The following CHRD variants were observed in gnomAD, a reference collection of about 807,000 sequenced individuals.
CHRD encodes the protein chordin.
In CHRD, 69 loss-of-function variants were observed where a neutral mutation model predicts 113.7. The observed-to-expected ratio is 0.61, with a 90% CI of 0.50 to 0.74. The LOEUF is 0.74. Among genes scored for constraint, CHRD ranks in the 30% least tolerant of loss-of-function variants. The pLI is 0.00. For missense variants in CHRD, 1,194 were observed against 1,295.8 expected, an observed-to-expected ratio of 0.92 and a Z score of 1.21; for synonymous variants, 561 against 540.8, an observed-to-expected ratio of 1.04 and a Z score of -0.52.
chr3:184,382,168 G>T lies in CHRD; in HGVS notation c.699+148G>T, dbSNP rs2239856. 3 of 1,243,242 alleles carry T rather than the reference G, an allele frequency of 2.4e-6. No individual in the cohort carries two copies. The East Asian group carries it at 7.3e-5, about 30-fold the overall frequency. The allele number at this position is 1,243,242 out of a possible 1,614,324, so 77.0% of individuals were successfully genotyped here. ...CCATTTTACAGAAGGGGGAACTGAG[G>T]CTCAGTAGGATAATGTGATTTGTTC... On this transcript the variant is annotated intron_variant, in intron 6 of 22. Coordinates refer to ENST00000204604, the Ensembl canonical transcript of CHRD.
Position 184,384,950 on chromosome 3 carries a change from A to G in CHRD, c.1598-68A>G, listed in dbSNP as rs991418981. 2 of 1,493,688 alleles carry G rather than the reference A, an allele frequency of 1.3e-6. No individual in the cohort carries two copies. Among genetic ancestry groups the G allele is most frequent in the Admixed American group, 3.4e-5 (2 of 59,172 alleles). 92.5% of individuals were successfully genotyped at this position (1,493,688 alleles called of 1,614,324 possible). ...GTGGAATGTGTGCTGGGGAGCTGGGAATGCTGGGTTTGAGGGCTTGCCCTA... is the reference window on the plus strand; with the variant it reads ...GTGGAATGTGTGCTGGGGAGCTGGGGATGCTGGGTTTGAGGGCTTGCCCTA... On this transcript the variant is annotated intron_variant, in intron 13 of 22. Transcript: ENST00000204604. This position sits in a 1 kb window ranked among gnomAD's most constrained non-coding sequence, Gnocchi z 4.4.
At chr3:184,383,565 C>T (rs750131039) in exon 12 of CHRD, 1 of 1,614,110 alleles carries the variant, frequency 6.2e-7, no homozygotes, top group South Asian at 1.1e-5. Flanking sequence ...GGCCATGACA[C>T]TGGAGACCAA....
chr3:184,383,996 T>C (rs1445137145), intron 12 of CHRD, among the ~76,000 whole-genome samples: 1 of 152,130 alleles, frequency 6.6e-6, no homozygotes, highest in African/African-American at 2.4e-5. Context: ...AGGATGGTCT[T>C]GATCTCTTGA....
Position 184,382,776 on chromosome 3 carries a change from T to A in CHRD, c.982+2T>A. 2 of 1,612,844 alleles carry A rather than the reference T, an allele frequency of 1.2e-6. No homozygotes were observed. The highest frequency in any genetic ancestry group is 1.7e-6 in the Non-Finnish European group (2 of 1,179,658). On this transcript the variant is annotated splice_donor_variant, in intron 8 of 22. Coordinates refer to ENST00000204604, the Ensembl canonical transcript of CHRD. LOFTEE classifies it high-confidence loss of function. ...GGCTGCTGGAACCCAGGAGTGGGGG[T>A]AAGTGGGATGGGGGCAAAACACGTG...
Position 184,381,161 on chromosome 3 carries a change from A to G in CHRD, c.253-74A>G. Reference sequence around the variant, plus strand: ...TGGCAGAGCTGGCTGACTCTGCGGGACATCCTTGCCTGGGGGGGTCTCATC... The same window carrying G: ...TGGCAGAGCTGGCTGACTCTGCGGGGCATCCTTGCCTGGGGGGGTCTCATC... On this transcript the variant is annotated intron_variant, in intron 2 of 22. Coordinates refer to ENST00000204604, the Ensembl canonical transcript of CHRD. The surrounding 1 kb of genome is among the most constrained non-coding windows in gnomAD (Gnocchi z 4.7). The G allele has an allele frequency of 6.4e-7, 1 of 1,561,180 alleles. No homozygotes were observed. Among genetic ancestry groups the G allele is most frequent in the South Asian group, 1.1e-5 (1 of 90,084 alleles).
chr3:184,390,042 T>C (rs1404943049), downstream of CHRD: 1 of 152,168 alleles, frequency 6.6e-6, no homozygotes, highest in East Asian at 1.9e-4. Flanking sequence ...GACTCAAGAA[T>C]TTAGGGAAGT....
Position 184,380,810 on chromosome 3 carries a change from C to T in CHRD, c.252+15C>T. 6.4e-7 allele frequency: 1 copy of T among 1,561,524 alleles called. No individual in the cohort carries two copies. Among genetic ancestry groups the T allele is most frequent in the Non-Finnish European group, 8.6e-7 (1 of 1,159,820 alleles). ...CCTGCGAGGCGGTGAGTGCACCCCGCGGCCGGCCCGGGCCCTGGCGGGTGG... is the reference window on the plus strand; with the variant it reads ...CCTGCGAGGCGGTGAGTGCACCCCGTGGCCGGCCCGGGCCCTGGCGGGTGG... On this transcript the variant is annotated intron_variant, in intron 2 of 22. Transcript: ENST00000204604. This position sits in a 1 kb window ranked among gnomAD's most constrained non-coding sequence, Gnocchi z 6.3.
intron 22 of CHRD, 74 bp from the exon 23 acceptor site, chr3:184,389,293 C>G: frequency 2.8e-6 from 4 of 1,431,650 alleles, no homozygotes; most frequent in East Asian, 2.3e-5. Flanking sequence ...GATGCTTTGC[C>G]CTGCCCTCTA....
chr3:184,383,359 A>G, exon 11 of CHRD: 3 of 1,613,890 alleles, frequency 1.9e-6, no homozygotes, highest in South Asian at 2.2e-5. Flanking sequence ...CCCAGTCCAG[A>G]CGGGTGCTGC....
At chr3:184,386,709 G>T (rs139430266) in exon 16 of CHRD, 1 of 1,612,382 alleles carries the variant, frequency 6.2e-7, no homozygotes, top group Non-Finnish European at 8.5e-7. Flanking sequence ...CACGGGGCTC[G>T]CTGGGCGCCC....
In CHRD at chr3:184,387,567, G is replaced by C. The variant is rs764403202; in HGVS notation, c.2451+90G>C. 2 of 1,201,032 alleles carry C rather than the reference G, an allele frequency of 1.7e-6. No individual in the cohort carries two copies. The highest frequency in any genetic ancestry group is 2.3e-6 in the Non-Finnish European group (2 of 871,592). 74.4% of individuals were successfully genotyped at this position (1,201,032 alleles called of 1,614,324 possible). A position where few individuals can be genotyped will look rare whatever the true frequency, so the allele number is the denominator to read the frequency against. ...GCCAGGTGAGGAAGGCCCGTCCTTG[G>C]TGAGGAGGGCTCAAGAATCAAAACG... On this transcript the variant is annotated intron_variant, in intron 19 of 22. Coordinates refer to ENST00000204604, the Ensembl canonical transcript of CHRD. This position sits in a 1 kb window ranked among gnomAD's most constrained non-coding sequence, Gnocchi z 6.1.
chr3:184,384,526 C>G lies in CHRD; in HGVS notation c.1441-11C>G. 6.6e-7 allele frequency: 1 copy of G among 1,512,016 alleles called. No homozygotes were observed. The highest frequency in any genetic ancestry group is 8.8e-7 in the Non-Finnish European group (1 of 1,131,180). 93.7% of individuals were successfully genotyped at this position (1,512,016 alleles called of 1,614,324 possible). On this transcript the variant is annotated splice_polypyrimidine_tract_variant and intron_variant, in intron 12 of 22. Transcript: ENST00000204604. This position sits in a 1 kb window ranked among gnomAD's most constrained non-coding sequence, Gnocchi z 4.4. ...TGAGAGCTGAGAAGGCCTATCCTCCCCTGCCCCCAGGCCGTGGGTATCTGC... is the reference window on the plus strand; with the variant it reads ...TGAGAGCTGAGAAGGCCTATCCTCCGCTGCCCCCAGGCCGTGGGTATCTGC...
chr3:184,386,575 G>C (rs758556726), exon 16 of CHRD: 8 of 1,574,412 alleles, frequency 5.1e-6, no homozygotes, highest in African/African-American at 1.4e-5. Flanking sequence ...TGGGGGCTCC[G>C]GATACAGCCT....
exon 16 of CHRD, chr3:184,386,543 G>A (rs561646793): frequency 2.3e-5 from 35 of 1,532,670 alleles, no homozygotes; most frequent in Middle Eastern, 2.2e-4. Flanking sequence ...GGAGGCGGCC[G>A]GGGCCGAGGG....
chr3:184,384,787 G>A lies in CHRD; in HGVS notation c.1597+94G>A. ...CGGAGCCTGGTGTGTCTTTCTTTGT[G>A]CCTAAGCTCCGGTTGCCATCTGAAG... is the stretch of plus-strand genomic sequence containing the variant. On this transcript the variant is annotated intron_variant, in intron 13 of 22. Transcript: ENST00000204604. This position sits in a 1 kb window ranked among gnomAD's most constrained non-coding sequence, Gnocchi z 4.4. 1 of 1,453,946 alleles carries A rather than the reference G, an allele frequency of 6.9e-7. No individual in the cohort carries two copies. The highest frequency in any genetic ancestry group is 9.1e-7 in the Non-Finnish European group (1 of 1,095,546). The allele number at this position is 1,453,946 out of a possible 1,614,324, so 90.1% of individuals were successfully genotyped here.
At position 184,380,429 on chromosome 3, in the gene CHRD, T is replaced by C; in HGVS notation, c.111T>C (p.Arg37=). The change falls in exon 1 of 23, where the codon CGT becomes CGC. Residue 37 remains arginine (R), a synonymous_variant. Transcript: ENST00000204604. The surrounding 1 kb of genome is among the most constrained non-coding windows in gnomAD (Gnocchi z 6.3). ...CAGAGCCCCCCGTGCTGCCCATCCG[T>C]TCTGAGAAGGAGCCGCTGCCCGTTC... The C allele has an allele frequency of 1.5e-6, 2 of 1,298,226 alleles. No individual in the cohort carries two copies. Among genetic ancestry groups the C allele is most frequent in the East Asian group, 3.6e-5 (1 of 27,532 alleles). 80.4% of individuals were successfully genotyped at this position (1,298,226 alleles called of 1,614,324 possible). A position where few individuals can be genotyped will look rare whatever the true frequency, so the allele number is the denominator to read the frequency against.
At position 184,380,734 on chromosome 3, in the gene CHRD, G is replaced by A. The variant is rs1338099994; in HGVS notation, c.191G>A (p.Trp64Ter). 17 of 1,599,650 alleles carry A rather than the reference G, an allele frequency of 1.1e-5. No individual in the cohort carries two copies. Among genetic ancestry groups the A allele is most frequent in the Non-Finnish European group, 1.4e-5 (17 of 1,176,958 alleles). ...AAGGTCTATGCCTTGGACGAGACGT[G>A]GCACCCGGACCTAGGGGAGCCATTC... is the stretch of plus-strand genomic sequence containing the variant. The change falls in exon 2 of 23, where the codon TGG becomes TAG. Residue 64 changes from tryptophan (W) to a stop codon, truncating the protein, a stop_gained. Transcript: ENST00000204604. LOFTEE classifies it high-confidence loss of function. The surrounding 1 kb of genome is among the most constrained non-coding windows in gnomAD (Gnocchi z 6.3).
chr3:184,380,820 G>C lies in CHRD; in HGVS notation c.252+25G>C, dbSNP rs748717476. On this transcript the variant is annotated intron_variant, in intron 2 of 22. Transcript: ENST00000204604. This position sits in a 1 kb window ranked among gnomAD's most constrained non-coding sequence, Gnocchi z 6.3. Reference sequence around the variant, plus strand: ...GGTGAGTGCACCCCGCGGCCGGCCCGGGCCCTGGCGGGTGGGGAGCGCCGG... The same window carrying C: ...GGTGAGTGCACCCCGCGGCCGGCCCCGGCCCTGGCGGGTGGGGAGCGCCGG... The C allele has an allele frequency of 2.2e-5, 33 of 1,531,766 alleles. No individual in the cohort carries two copies. The South Asian group carries it at 3.3e-4, about 15-fold the overall frequency. The allele number at this position is 1,531,766 out of a possible 1,614,324, so 94.9% of individuals were successfully genotyped here.
In CHRD at chr3:184,387,212, G is replaced by A; in HGVS notation, c.2347+105G>A. The stretch of plus-strand genomic sequence containing the variant: ...GAGTATATAGGGGGTGGCCTGAGGG[G>A]CACAGATTCCAAGTGATGCCTGACA... On this transcript the variant is annotated intron_variant, in intron 18 of 22. Transcript: ENST00000204604. This position sits in a 1 kb window ranked among gnomAD's most constrained non-coding sequence, Gnocchi z 6.1. The A allele has an allele frequency of 1.5e-6, 2 of 1,317,988 alleles. No homozygotes were observed. The highest frequency in any genetic ancestry group is 2.2e-6 in the Non-Finnish European group (2 of 924,798). 81.6% of individuals were successfully genotyped at this position (1,317,988 alleles called of 1,614,324 possible).
Sources: gnomAD v4.1 joint callset for allele counts (sites outside exome capture counted in the v4.1 genomes callset) on GRCh38, gnomAD v4.1.1 for gene constraint, Gnocchi (gnomAD v3.1) non-coding constraint, MANE v1.5 for transcripts, NCBI Gene and HGNC (gene_info 2026-07-23, HGNC 2026-07-21) for gene names.